Variants in SPATA17 observed in about 807,000 individuals in gnomAD.
The protein encoded by SPATA17 is spermatogenesis-associated protein 17.
SPATA17 carries 53 observed loss-of-function variants against 62.2 expected under a neutral mutation model. The observed-to-expected ratio is 0.85, with a 90% CI of 0.68 to 1.07. SPATA17 has a LOEUF of 1.07. SPATA17 is among the 50% of genes least tolerant of loss of function. The pLI is 0.00. For missense variants in SPATA17, 466 were observed against 425.5 expected (o/e 1.10, Z -0.84); for synonymous variants, 146 against 146.8 (o/e 0.99, Z 0.04).
At chr1:217,659,013 G>A (rs575838347) in intron 3 of SPATA17, among the ~76,000 whole-genome samples, 1 of 152,236 alleles carries the variant, frequency 6.6e-6, no homozygotes, top group South Asian at 2.1e-4. Flanking sequence ...TGAAAAACCT[G>A]ATGATATTAC....
At chr1:217,652,547 T>C (rs983727633) in intron 3 of SPATA17, among the ~76,000 whole-genome samples, 4 of 152,218 alleles carry the variant, frequency 2.6e-5, no homozygotes, top group East Asian at 1.9e-4. Context: ...CTTTTTTTTT[T>C]CCCTTCTCCT....
chr1:217,745,050 T>C (rs1021244295), intron 6 of SPATA17, among the ~76,000 whole-genome samples: 2 of 152,224 alleles, frequency 1.3e-5, no homozygotes, highest in African/African-American at 4.8e-5. Flanking sequence ...ATTTCCTTTC[T>C]TGGCTTTCCT....
intron 5 of SPATA17, among the ~76,000 whole-genome samples, chr1:217,723,090 C>T (rs1449244084): frequency 6.6e-6 from 1 of 152,176 alleles, no homozygotes; most frequent in Non-Finnish European, 1.5e-5. Context: ...TCCCGTAAAC[C>T]TGGTGTTGAG....
At chr1:217,739,691 A>G (rs1006409295) in intron 5 of SPATA17, 2 of 152,286 alleles carry the variant, frequency 1.3e-5, no homozygotes, top group African/African-American at 4.8e-5. Context: ...ACTGAGAAAT[A>G]TCTTCACCCT....
intron 3 of SPATA17, among the ~76,000 whole-genome samples, chr1:217,663,684 T>C (rs188243556): frequency 9.2e-5 from 14 of 152,300 alleles, no homozygotes; most frequent in African/African-American, 3.1e-4. Flanking sequence ...CTTTAATGCA[T>C]ATATTTCTTT....
chr1:217,827,969 C>A (rs973508866), intron 9 of SPATA17, among the ~76,000 whole-genome samples: 7 of 152,090 alleles, frequency 4.6e-5, no homozygotes, highest in Non-Finnish European at 7.4e-5. Context: ...ATAGGTGCAG[C>A]AAACCACAGG....
At chr1:217,704,243 T>A (rs1195505353) in intron 5 of SPATA17, among the ~76,000 whole-genome samples, 1 of 118,756 alleles carries the variant, frequency 8.4e-6, no homozygotes, top group South Asian at 3.0e-4. Flanking sequence ...TTTTTTTTTT[T>A]TTTTTTTTTT....
intron 5 of SPATA17, among the ~76,000 whole-genome samples, chr1:217,716,326 G>T (rs1242953192): frequency 2.0e-5 from 3 of 152,132 alleles, no homozygotes; most frequent in Non-Finnish European, 4.4e-5. Context: ...CTGCTAACAT[G>T]TGCAGCACCT....
At chr1:217,700,397 A>C (rs1671566733) in intron 5 of SPATA17, among the ~76,000 whole-genome samples, 3 of 152,126 alleles carry the variant, frequency 2.0e-5, no homozygotes, top group Admixed American at 2.0e-4. Flanking sequence ...TATGCTTTAA[A>C]TCTAATAATT....
At chr1:217,800,660 C>T (rs1674288153) in intron 8 of SPATA17, among the ~76,000 whole-genome samples, 2 of 152,092 alleles carry the variant, frequency 1.3e-5, no homozygotes, top group African/African-American at 4.8e-5. Flanking sequence ...TTCCATGGTT[C>T]TGCAGGACAA....
At chr1:217,661,765 T>C (rs946598134) in intron 3 of SPATA17, among the ~76,000 whole-genome samples, 4 of 152,176 alleles carry the variant, frequency 2.6e-5, no homozygotes, top group African/African-American at 7.2e-5. Flanking sequence ...CTCCTTTTTA[T>C]TGGTAACAAA....
intron 1 of SPATA17, among the ~76,000 whole-genome samples, chr1:217,634,375 T>C (rs1005744384): frequency 1.3e-5 from 2 of 152,092 alleles, no homozygotes; most frequent in African/African-American, 4.8e-5. Flanking sequence ...GGAGGGCTGA[T>C]TGGTTGGGTC....
chr1:217,647,882 T>A (rs1242493765), intron 1 of SPATA17, among the ~76,000 whole-genome samples: 1 of 151,814 alleles, frequency 6.6e-6, no homozygotes, highest in East Asian at 1.9e-4. Flanking sequence ...GCCACCACGC[T>A]TGGCTAATTT....
At chr1:217,797,251 CT>C (rs11360301) in intron 8 of SPATA17, among the ~76,000 whole-genome samples, 76,673 of 119,502 alleles carry the variant, frequency 0.64, 23,041 homozygotes, top group East Asian at 0.69. Flanking sequence ...TTCTTTCTTT[CT>C]TTTTTTTTTT....
chr1:217,787,407 A>G (rs1209846287), intron 8 of SPATA17, among the ~76,000 whole-genome samples: 3 of 152,098 alleles, frequency 2.0e-5, no homozygotes, highest in African/African-American at 7.2e-5. Context: ...TTATTTCTCT[A>G]GCTAATTTTT....
At chr1:217,822,793 T>A (rs947808483) in intron 9 of SPATA17, among the ~76,000 whole-genome samples, 1 of 149,580 alleles carries the variant, frequency 6.7e-6, no homozygotes, top group African/African-American at 2.4e-5. Context: ...CTATTTTTTT[T>A]ATATATGTAT....
At chr1:217,731,672 G>C (rs571856156) in intron 5 of SPATA17, among the ~76,000 whole-genome samples, 1 of 152,116 alleles carries the variant, frequency 6.6e-6, no homozygotes, top group South Asian at 2.1e-4. Flanking sequence ...CTAGAAACAT[G>C]TGAAATATAA....
At chr1:217,749,985 C>CTATATA (rs57489651) in intron 6 of SPATA17, among the ~76,000 whole-genome samples, 125 of 12,292 alleles carry the variant, frequency 0.01, 14 homozygotes, top group East Asian at 0.03. Flanking sequence ...CTCTCTCTCT[C>CTATATA]TATATATATA....
chr1:217,779,647 CA>C (rs938157508), intron 7 of SPATA17, among the ~76,000 whole-genome samples: 1 of 150,274 alleles, frequency 6.7e-6, no homozygotes, highest in African/African-American at 2.4e-5. Flanking sequence ...TTTTTTTTCC[CA>C]AAATGGGATT....
Sources: gnomAD v4.1 joint callset for allele counts (sites outside exome capture counted in the v4.1 genomes callset) on GRCh38, gnomAD v4.1.1 for gene constraint, MANE v1.5 for transcripts, NCBI Gene and HGNC (gene_info 2026-07-23, HGNC 2026-07-21) for gene names.